MAN1A1: variants seen among roughly 807,000 people sequenced by gnomAD.
The protein encoded by MAN1A1 is mannosidase alpha class 1A member 1.
A neutral mutation model predicts 70.8 loss-of-function variants in MAN1A1; 29 were observed. The observed-to-expected ratio is 0.41, with a 90% CI of 0.31 to 0.56. MAN1A1 has a LOEUF of 0.56. Among genes scored for constraint, MAN1A1 ranks in the 20% least tolerant of loss-of-function variants. The pLI is 0.29. For synonymous variants in MAN1A1, 349 were observed against 330.1 expected, an observed-to-expected ratio of 1.06 and a Z score of -0.62; for missense variants, 747 against 841.3, an observed-to-expected ratio of 0.89 and a Z score of 1.39.
chr6:119,326,191 C>CACGT (rs1773142508), intron 2 of MAN1A1, among the ~76,000 whole-genome samples: 2 of 152,176 alleles, frequency 1.3e-5, no homozygotes, highest in African/African-American at 4.8e-5. Flanking sequence ...CGGCTGCTCC[C>CACGT]ACGTATACCT....
intron 5 of MAN1A1, among the ~76,000 whole-genome samples, chr6:119,273,841 T>C (rs1775987043): frequency 6.6e-6 from 1 of 152,214 alleles, no homozygotes; most frequent in Non-Finnish European, 1.5e-5. Context: ...TAAGTGTTGG[T>C]ATTTTATTCT....
chr6:119,307,311 T>C (rs1013021888), intron 2 of MAN1A1, among the ~76,000 whole-genome samples: 1 of 133,292 alleles, frequency 7.5e-6, no homozygotes, highest in South Asian at 2.2e-4. Flanking sequence ...GCATGAACCA[T>C]GTCTACATTT....
intron 5 of MAN1A1, among the ~76,000 whole-genome samples, chr6:119,259,172 T>C (rs754678062): frequency 6.6e-6 from 1 of 152,194 alleles, no homozygotes; most frequent in Admixed American, 6.5e-5. Flanking sequence ...ATCAGTTCAT[T>C]ACAATGAGAC....
intron 5 of MAN1A1, among the ~76,000 whole-genome samples, chr6:119,278,706 A>T (rs544926298): frequency 6.6e-6 from 1 of 152,248 alleles, no homozygotes; most frequent in South Asian, 2.1e-4. Flanking sequence ...TGTTTGGATC[A>T]TGGGGGTGGA....
At position 119,179,629 on chromosome 6, in the gene MAN1A1, A is replaced by C. The variant is rs1773094557; in HGVS notation, c.*190T>G. On this transcript the variant is annotated 3_prime_UTR_variant, in exon 13 of 13. Coordinates refer to ENST00000368468, the MANE Select transcript of MAN1A1 (RefSeq NM_005907.4). ...AACTGGTGGATACACTGGCTGAATT[A>C]ATAAAGGATATGATAAGGAATTTAG... The C allele has an allele frequency of 7.5e-6, 3 of 398,104 alleles. No homozygotes were observed. The East Asian group carries it at 1.2e-4, about 16-fold the overall frequency. 24.7% of individuals were successfully genotyped at this position (398,104 alleles called of 1,614,324 possible). A position where few individuals can be genotyped will look rare whatever the true frequency, so the allele number is the denominator to read the frequency against.
At chr6:119,336,498 T>C (rs567196850) in intron 2 of MAN1A1, among the ~76,000 whole-genome samples, 61 of 152,338 alleles carry the variant, frequency 4.0e-4, no homozygotes, top group Admixed American at 3.6e-3. Flanking sequence ...GTTTTAGGAA[T>C]ATTAATAGTC....
At chr6:119,239,092 G>A (rs1582725604) in intron 6 of MAN1A1, among the ~76,000 whole-genome samples, 2 of 151,902 alleles carry the variant, frequency 1.3e-5, no homozygotes, top group South Asian at 2.1e-4. Flanking sequence ...GGGTTTCACC[G>A]TGGTCTCGAT....
intron 2 of MAN1A1, among the ~76,000 whole-genome samples, chr6:119,310,654 A>C (rs1260091742): frequency 6.6e-6 from 1 of 152,196 alleles, no homozygotes; most frequent in East Asian, 1.9e-4. Flanking sequence ...CCTAGAGGCC[A>C]GAGAGTGACA....
chr6:119,318,783 T>C (rs1772922708), intron 2 of MAN1A1, among the ~76,000 whole-genome samples: 1 of 152,212 alleles, frequency 6.6e-6, no homozygotes, highest in African/African-American at 2.4e-5. Context: ...TACATTTTAA[T>C]AGCTAAAAGT....
chr6:119,345,166 C>T (rs1773693397), intron 2 of MAN1A1, among the ~76,000 whole-genome samples: 1 of 128,328 alleles, frequency 7.8e-6, no homozygotes. Flanking sequence ...ACAGCACAGG[C>T]TAATTGAGAA....
intron 5 of MAN1A1, among the ~76,000 whole-genome samples, chr6:119,256,708 T>C (rs1403520776): frequency 1.3e-5 from 2 of 152,160 alleles, no homozygotes; most frequent in African/African-American, 4.8e-5. Flanking sequence ...ACCAGTTATG[T>C]CATAAAGAAA....
intron 5 of MAN1A1, among the ~76,000 whole-genome samples, chr6:119,284,606 T>C (rs969850421): frequency 5.3e-5 from 8 of 152,184 alleles, no homozygotes; most frequent in African/African-American, 1.9e-4. Flanking sequence ...ACCACATATT[T>C]ATTTTTTCTT....
At chr6:119,198,327 T>A (rs1433688427) in intron 8 of MAN1A1, among the ~76,000 whole-genome samples, 2 of 151,946 alleles carry the variant, frequency 1.3e-5, no homozygotes, top group African/African-American at 4.8e-5. Context: ...GACAGGGAGG[T>A]TGCAGTGAGC....
intron 2 of MAN1A1, among the ~76,000 whole-genome samples, chr6:119,345,219 A>C (rs1773697007): frequency 6.6e-6 from 1 of 151,988 alleles, no homozygotes. Context: ...GGAGAAGGGA[A>C]GCTAAAAATG....
chr6:119,222,256 T>C (rs1774383334), intron 6 of MAN1A1, among the ~76,000 whole-genome samples: 3 of 151,886 alleles, frequency 2.0e-5, no homozygotes, highest in Admixed American at 1.3e-4. Context: ...TTTTAGCTAA[T>C]AAACACCCTG....
intron 5 of MAN1A1, among the ~76,000 whole-genome samples, chr6:119,276,620 A>G (rs1466880571): frequency 6.6e-6 from 1 of 152,184 alleles, no homozygotes. Context: ...TAATAGCTAA[A>G]CCTAAACTGT....
At chr6:119,193,971 G>A in intron 8 of MAN1A1, 79 bp from the exon 9 acceptor site, 2 of 788,146 alleles carry the variant, frequency 2.5e-6, no homozygotes, top group Non-Finnish European at 4.4e-6. Flanking sequence ...TTAGCAACTA[G>A]GATGCAACCC....
intron 5 of MAN1A1, among the ~76,000 whole-genome samples, chr6:119,249,805 T>TA (rs1193169595): frequency 1.3e-5 from 2 of 151,832 alleles, no homozygotes; most frequent in Non-Finnish European, 2.9e-5. Context: ...TTTGGAATCT[T>TA]AAAAAAAAAT....
At chr6:119,193,967 A>G (rs572117024) in intron 8 of MAN1A1, 75 bp from the exon 9 acceptor site, 1,108 of 822,142 alleles carry the variant, frequency 1.3e-3, no homozygotes, top group Non-Finnish European at 2.0e-3. Context: ...CACATTAGCA[A>G]CTAGGATGCA....
Sources: allele counts gnomAD v4.1 joint callset (sites outside exome capture counted in the v4.1 genomes callset), GRCh38; gene constraint gnomAD v4.1.1; transcripts MANE v1.5; gene names NCBI Gene and HGNC (gene_info 2026-07-23, HGNC 2026-07-21).